Variants in PARVB observed in about 807,000 individuals in gnomAD.
PARVB encodes beta-parvin.
In PARVB, 46 loss-of-function variants were observed where a neutral mutation model predicts 47.0. The ratio of observed to expected loss-of-function variants is 0.98; its 90% CI spans 0.77 to 1.25. The LOEUF (loss-of-function observed/expected upper bound fraction) is 1.25. Ranked by LOEUF, PARVB falls within the 50% of genes most tolerant of loss-of-function variation. The probability of loss-of-function intolerance (pLI) is 0.00; values close to 1 mark genes in which losing one functional copy is unlikely to be tolerated. For synonymous variants in PARVB, 196 were observed against 196.3 expected, an observed-to-expected ratio of 1.00 and a Z score of 0.01; for missense variants, 473 against 471.6, an observed-to-expected ratio of 1.00 and a Z score of -0.03.
chr22:44,051,492 G>T (rs922721938), intron 1 of PARVB, among the ~76,000 whole-genome samples: 2 of 152,212 alleles, frequency 1.3e-5, no homozygotes, highest in Admixed American at 1.3e-4. Context: ...GGTGGGCAAG[G>T]CTGTGCTGGT....
chr22:44,063,154 C>T (rs1405848549), intron 1 of PARVB, among the ~76,000 whole-genome samples: 1 of 152,036 alleles, frequency 6.6e-6, no homozygotes, highest in Admixed American at 6.6e-5. Flanking sequence ...GTCCTGGCAC[C>T]TGGAAATTAC....
chr22:44,154,607 G>A (rs1304466829), intron 10 of PARVB, among the ~76,000 whole-genome samples: 4 of 151,144 alleles, frequency 2.6e-5, no homozygotes, highest in South Asian at 2.1e-4. Flanking sequence ...TCTGGTGTGT[G>A]TGTGTGGTTT....
chr22:44,083,387 G>T (rs182616717), intron 1 of PARVB, among the ~76,000 whole-genome samples: 10 of 152,294 alleles, frequency 6.6e-5, no homozygotes, highest in African/African-American at 2.4e-4. Context: ...GTCATGAATG[G>T]GACCTGGCCC....
At chr22:44,098,294 G>T (rs1484209600) in intron 2 of PARVB, among the ~76,000 whole-genome samples, 1 of 152,176 alleles carries the variant, frequency 6.6e-6, no homozygotes, top group Non-Finnish European at 1.5e-5. Context: ...GTCCAGAGGG[G>T]GTCTCAGACA....
intron 1 of PARVB, among the ~76,000 whole-genome samples, chr22:44,085,704 G>A (rs1000940206): frequency 1.3e-5 from 2 of 152,288 alleles, no homozygotes; most frequent in Non-Finnish European, 1.5e-5. Flanking sequence ...TGCCAGGTGC[G>A]AGGTCGGCTG....
chr22:44,029,798 T>G (rs149903880), intron 1 of PARVB, among the ~76,000 whole-genome samples: 12,418 of 151,830 alleles, frequency 0.082, 643 homozygotes, highest in Middle Eastern at 0.19. Flanking sequence ...TAATCCCAGC[T>G]ACTCAGGAGG....
upstream of PARVB, among the ~76,000 whole-genome samples, chr22:44,023,517 T>A (rs1408637984): frequency 2.2e-5 from 2 of 92,848 alleles, no homozygotes; most frequent in African/African-American, 9.1e-5. Context: ...TCTAAAAAAA[T>A]AAAATAAAAT....
chr22:44,064,088 G>A (rs1489329100), intron 1 of PARVB, among the ~76,000 whole-genome samples: 1 of 152,156 alleles, frequency 6.6e-6, no homozygotes, highest in East Asian at 1.9e-4. Flanking sequence ...CTGGTGTTGG[G>A]GTGGTGCTGG....
chr22:44,062,638 GAAAA>G, intron 1 of PARVB, among the ~76,000 whole-genome samples: 1 of 140,388 alleles, frequency 7.1e-6, no homozygotes, highest in African/African-American at 2.6e-5. Context: ...ACCCTGTCTG[GAAAA>G]AAAAAAAAAA....
upstream of PARVB, among the ~76,000 whole-genome samples, chr22:44,020,374 A>G (rs1042989586): frequency 2.0e-5 from 3 of 152,030 alleles, no homozygotes; most frequent in East Asian, 1.9e-4. Flanking sequence ...GGGTCTTGCC[A>G]TATTGCCCAG....
At chr22:44,021,759 T>TCACACACACACACACACA (rs3223605), upstream of PARVB, among the ~76,000 whole-genome samples, 2 of 102,786 alleles carry the variant, frequency 1.9e-5, no homozygotes, top group Non-Finnish European at 4.1e-5. Flanking sequence ...AAGTCTAGAC[T>TCACACACACACACACACA]CACACACACA....
chr22:44,135,263 A>AC (rs2053418777), intron 6 of PARVB, among the ~76,000 whole-genome samples: 1 of 148,882 alleles, frequency 6.7e-6, no homozygotes, highest in African/African-American at 2.5e-5. Context: ...TACCATCATT[A>AC]CTTTTTTTTT....
chr22:44,106,204 C>G (rs1485982673), intron 3 of PARVB: 1 of 124,374 alleles, frequency 8.0e-6, no homozygotes, highest in Non-Finnish European at 1.6e-5. Context: ...GGAGGAGGCT[C>G]TGGGAAGAGG....
At chr22:44,114,736 C>A in intron 3 of PARVB, 1 of 115,078 alleles carries the variant, frequency 8.7e-6, no homozygotes, top group Non-Finnish European at 1.8e-5. Context: ...GGCCCTGCAC[C>A]AACACAGATA....
chr22:44,122,270 C>T (rs1269727684), intron 4 of PARVB, among the ~76,000 whole-genome samples: 3 of 152,132 alleles, frequency 2.0e-5, no homozygotes, highest in Non-Finnish European at 4.4e-5. Context: ...CCAGGAGGAT[C>T]ACTTGAGCCG....
chr22:44,158,150 T>C, intron 11 of PARVB, 67 bp downstream of exon 11: 1 of 1,071,976 alleles, frequency 9.3e-7, no homozygotes, highest in Non-Finnish European at 1.4e-6. Flanking sequence ...GAGCATAGAC[T>C]ATCCCGGCAG....
intron 6 of PARVB, among the ~76,000 whole-genome samples, chr22:44,135,997 C>T (rs998299379): frequency 6.6e-6 from 1 of 152,230 alleles, no homozygotes; most frequent in Admixed American, 6.5e-5. Context: ...CCCTTATTTC[C>T]AAATGAGATC....
At chr22:44,136,591 G>T in intron 7 of PARVB, 73 bp downstream of exon 7, 1 of 1,275,806 alleles carries the variant, frequency 7.8e-7, no homozygotes, top group Non-Finnish European at 1.1e-6. Flanking sequence ...TGCCACTTCA[G>T]CCAGGGACAC....
intron 1 of PARVB, among the ~76,000 whole-genome samples, chr22:44,028,769 T>C (rs5764473): frequency 0.31 from 47,668 of 152,070 alleles, 7,493 homozygotes; most frequent in Middle Eastern, 0.38. Context: ...ACGAGAGTCC[T>C]GGCTGCTCTG....
Sources: allele counts gnomAD v4.1 joint callset (sites outside exome capture counted in the v4.1 genomes callset), GRCh38; gene constraint gnomAD v4.1.1; transcripts MANE v1.5; gene names NCBI Gene and HGNC (gene_info 2026-07-23, HGNC 2026-07-21).